The following UNC5C variants were observed in gnomAD, a reference collection of about 807,000 sequenced individuals.
UNC5C encodes netrin receptor UNC5C.
In UNC5C, 47 loss-of-function variants were observed where a neutral mutation model predicts 99.8. The observed-to-expected ratio is 0.47, with a 90% CI of 0.37 to 0.60. The LOEUF is 0.60. Among genes scored for constraint, UNC5C ranks in the 20% least tolerant of loss-of-function variants. UNC5C has a pLI of 0.00. For missense variants in UNC5C, 1,062 were observed against 1,165.9 expected, an observed-to-expected ratio of 0.91 and a Z score of 1.30; for synonymous variants, 487 against 452.2, an observed-to-expected ratio of 1.08 and a Z score of -0.98.
intron 1 of UNC5C, among the ~76,000 whole-genome samples, chr4:95,382,463 A>T (rs1745100221): frequency 6.6e-6 from 1 of 152,080 alleles, no homozygotes; most frequent in Non-Finnish European, 1.5e-5. Context: ...TCTGTCAAAA[A>T]AAAAAAAAAA....
At chr4:95,203,652 A>G in intron 11 of UNC5C, among the ~76,000 whole-genome samples, 1 of 151,754 alleles carries the variant, frequency 6.6e-6, no homozygotes, top group Non-Finnish European at 1.5e-5. Flanking sequence ...TTTGATAGAG[A>G]TGGGGTTTCA....
chr4:95,444,637 G>A (rs1253850524), intron 1 of UNC5C, among the ~76,000 whole-genome samples: 5 of 152,092 alleles, frequency 3.3e-5, no homozygotes, highest in South Asian at 2.1e-4. Context: ...GGCCTGCATT[G>A]CCTTTTAAAG....
intron 1 of UNC5C, among the ~76,000 whole-genome samples, chr4:95,470,543 G>A (rs528656917): frequency 8.5e-5 from 13 of 152,114 alleles, no homozygotes; most frequent in African/African-American, 3.1e-4. Context: ...CTCTAGTGTT[G>A]GGGGAGAGGG....
intron 4 of UNC5C, among the ~76,000 whole-genome samples, chr4:95,261,739 T>A (rs1740240374): frequency 6.6e-6 from 1 of 151,772 alleles, no homozygotes; most frequent in Non-Finnish European, 1.5e-5. Context: ...TGTCTCGCTC[T>A]GTCGCCCAGG....
intron 7 of UNC5C, among the ~76,000 whole-genome samples, chr4:95,223,749 TG>T (rs1738564627): frequency 6.6e-6 from 1 of 152,152 alleles, no homozygotes. Context: ...TTGTATTCTG[TG>T]AACTCAATAA....
chr4:95,359,839 T>C (rs1744331678), intron 1 of UNC5C, among the ~76,000 whole-genome samples: 1 of 152,200 alleles, frequency 6.6e-6, no homozygotes, highest in African/African-American at 2.4e-5. Context: ...TAACAAATAC[T>C]TAAGAAGCAC....
At chr4:95,202,080 G>C (rs565342579) in intron 12 of UNC5C, among the ~76,000 whole-genome samples, 1 of 152,168 alleles carries the variant, frequency 6.6e-6, no homozygotes, top group South Asian at 2.1e-4. Flanking sequence ...CGTCTCCTGA[G>C]CTCCCATATA....
intron 2 of UNC5C, among the ~76,000 whole-genome samples, chr4:95,312,386 T>C (rs1742307703): frequency 1.3e-5 from 2 of 152,218 alleles, no homozygotes; most frequent in Admixed American, 1.3e-4. Context: ...GTGAATGATC[T>C]GTACATATAT....
chr4:95,404,795 C>G (rs1163430599), intron 1 of UNC5C, among the ~76,000 whole-genome samples: 1 of 152,146 alleles, frequency 6.6e-6, no homozygotes, highest in Admixed American at 6.5e-5. Context: ...CCATATAAAC[C>G]CTGAACCCCA....
intron 12 of UNC5C, among the ~76,000 whole-genome samples, chr4:95,195,062 T>G (rs1737322976): frequency 1.3e-5 from 2 of 152,182 alleles, no homozygotes. Flanking sequence ...CAGTTAGATT[T>G]AATATCTTCC....
At chr4:95,483,116 G>A (rs918758296) in intron 1 of UNC5C, among the ~76,000 whole-genome samples, 2 of 149,936 alleles carry the variant, frequency 1.3e-5, no homozygotes, top group East Asian at 2.0e-4. Context: ...TCTGCTAATC[G>A]TATATGCCTG....
intron 7 of UNC5C, among the ~76,000 whole-genome samples, chr4:95,235,372 T>C (rs1272565794): frequency 6.6e-6 from 1 of 152,208 alleles, no homozygotes; most frequent in Admixed American, 6.5e-5. Flanking sequence ...CATTGTAGAT[T>C]CTGGATATTA....
At position 95,384,164 on chromosome 4, in the gene UNC5C, G is replaced by A. The variant is rs1468474072; in HGVS notation, c.125-48533C>T. 2.6e-5 allele frequency among the ~76,000 whole-genome samples: 4 copies of A among 152,162 alleles called. No individual in the cohort carries two copies. The East Asian group carries it at 5.8e-4, about 22-fold the overall frequency. ...TTATGTACAGATATAAGGGCCCAAT[G>A]TGAAGCCCATCTGTACCTACTTTTT... On this transcript the variant is annotated intron_variant, in intron 1 of 15. Coordinates refer to ENST00000453304, the MANE Select transcript of UNC5C (RefSeq NM_003728.4).
intron 1 of UNC5C, among the ~76,000 whole-genome samples, chr4:95,376,926 A>C (rs902750053): frequency 2.0e-5 from 3 of 152,284 alleles, no homozygotes; most frequent in Middle Eastern, 3.4e-3. Context: ...CCTTTACAAC[A>C]GTTCTGGTTG....
intron 11 of UNC5C, among the ~76,000 whole-genome samples, chr4:95,204,823 G>A (rs2149361503): frequency 6.6e-6 from 1 of 152,340 alleles, no homozygotes; most frequent in Admixed American, 6.5e-5. Flanking sequence ...GCTACACAAA[G>A]ATGTGAAAGG....
rs778818038 is a variant in UNC5C at position 95,278,255 on chromosome 4, T to A, written c.594+4A>T. On this transcript the variant is annotated splice_donor_region_variant and intron_variant, in intron 4 of 15. Coordinates refer to ENST00000453304, the MANE Select transcript of UNC5C (RefSeq NM_003728.4). ...GCTAAATGCAAAGAATTGTTGTTATTCACCTCAGCCACTGGGATCCCTTCA... is the reference window on the plus strand; with the variant it reads ...GCTAAATGCAAAGAATTGTTGTTATACACCTCAGCCACTGGGATCCCTTCA... 51 of 1,612,108 alleles carry A rather than the reference T, an allele frequency of 3.2e-5. No homozygotes were observed. In the South Asian group the frequency reaches 5.4e-4, roughly 17 times the overall value.
chr4:95,176,827 G>T (rs1024878802), intron 14 of UNC5C, among the ~76,000 whole-genome samples: 32 of 152,340 alleles, frequency 2.1e-4, no homozygotes, highest in African/African-American at 7.5e-4. Flanking sequence ...AATGGCGGGG[G>T]CCCCTCCCCC....
At chr4:95,395,498 C>G (rs1454481212) in intron 1 of UNC5C, among the ~76,000 whole-genome samples, 2 of 152,114 alleles carry the variant, frequency 1.3e-5, no homozygotes, top group African/African-American at 4.8e-5. Flanking sequence ...TGTCCTCCTC[C>G]CAGACACTAA....
intron 2 of UNC5C, among the ~76,000 whole-genome samples, chr4:95,330,148 G>C (rs1184826899): frequency 6.6e-6 from 1 of 151,934 alleles, no homozygotes. Flanking sequence ...AGTGTTTCTT[G>C]ATCTCTATTT....
Sources: gnomAD v4.1 joint callset for allele counts (sites outside exome capture counted in the v4.1 genomes callset) on GRCh38, gnomAD v4.1.1 for gene constraint, MANE v1.5 for transcripts, NCBI Gene and HGNC (gene_info 2026-07-23, HGNC 2026-07-21) for gene names.